The following RAB3GAP1 variants were observed in gnomAD, a reference collection of about 807,000 sequenced individuals.
RAB3GAP1 encodes RAB3 GTPase activating protein catalytic subunit 1.
In RAB3GAP1, 86 loss-of-function variants were observed where a neutral mutation model predicts 130.7. That is an observed-to-expected ratio of 0.66 (90% CI 0.55 to 0.79). RAB3GAP1 has a LOEUF of 0.79. Among genes scored for constraint, RAB3GAP1 ranks in the 30% least tolerant of loss-of-function variants. RAB3GAP1 has a pLI of 0.00. For missense variants in RAB3GAP1, 1,029 were observed against 1,169.4 expected (o/e 0.88, Z 1.75); for synonymous variants, 367 against 401.7 (o/e 0.91, Z 1.03).
chr2:135,063,900 T>A (rs138237395), intron 3 of RAB3GAP1, among the ~76,000 whole-genome samples: 198 of 152,322 alleles, frequency 1.3e-3, no homozygotes, highest in African/African-American at 4.4e-3. Flanking sequence ...ACTGCCATAC[T>A]TTTGGCTGGC....
At chr2:135,148,963 CTCAG>C (rs1370377722) in intron 17 of RAB3GAP1, among the ~76,000 whole-genome samples, 1 of 152,152 alleles carries the variant, frequency 6.6e-6, no homozygotes, top group Non-Finnish European at 1.5e-5. Context: ...CCTTACCCCT[CTCAG>C]TGATCCCATG....
At chr2:135,078,661 TCC>T (rs1558764987) in intron 3 of RAB3GAP1, among the ~76,000 whole-genome samples, 1 of 5,812 alleles carries the variant, frequency 1.7e-4, no homozygotes, top group Non-Finnish European at 2.8e-4. Flanking sequence ...TCCCCTCCCC[TCC>T]CCTCCCCTCC....
At chr2:135,174,129 C>T (rs1383111503), downstream of RAB3GAP1, among the ~76,000 whole-genome samples, 1 of 152,232 alleles carries the variant, frequency 6.6e-6, no homozygotes, top group Non-Finnish European at 1.5e-5. Context: ...TGATGTCTGA[C>T]AGGTGGTCAT....
intron 15 of RAB3GAP1, among the ~76,000 whole-genome samples, chr2:135,134,726 C>G (rs951797567): frequency 6.6e-6 from 1 of 152,196 alleles, no homozygotes; most frequent in Admixed American, 6.5e-5. Flanking sequence ...ACAGTCCGCT[C>G]TGGAACATTT....
chr2:135,166,699 G>C (rs1355263137), intron 23 of RAB3GAP1, among the ~76,000 whole-genome samples: 1 of 151,888 alleles, frequency 6.6e-6, no homozygotes, highest in East Asian at 1.9e-4. Context: ...ACTACCCATT[G>C]ATGATTTAAC....
intron 3 of RAB3GAP1, among the ~76,000 whole-genome samples, chr2:135,060,185 C>G (rs1689126513): frequency 6.6e-6 from 1 of 151,222 alleles, no homozygotes; most frequent in Non-Finnish European, 1.5e-5. Context: ...CCTACCTCCA[C>G]TAGATTTTTT....
rs1558806901 is a variant in RAB3GAP1, at chr2:135,164,661, A to G, written c.2674A>G (p.Arg892Gly). The change falls in exon 23 of 24, where the codon AGG (arginine) becomes GGG (glycine). Residue 892 changes from arginine to glycine, a missense_variant. By Grantham distance (125) the Arg-to-Gly change is moderately radical. Coordinates refer to ENST00000264158, the MANE Select transcript of RAB3GAP1 (RefSeq NM_012233.3). ...VTGAGRGHAG[R>G]IIHKLFVNAQ... ...CGGTGCAGGAAGAGGACATGCTGGC[A>G]GGATCATTCACAAGCTGTTTGTGAA... 16 of 1,613,142 alleles carry G rather than the reference A, an allele frequency of 9.9e-6. No homozygotes were observed. Among genetic ancestry groups the G allele is most frequent in the Middle Eastern group, 1.7e-4 (1 of 5,970 alleles).
At chr2:135,081,355 TATATATACAC>T (rs765993713) in intron 3 of RAB3GAP1, among the ~76,000 whole-genome samples, 1,764 of 88,680 alleles carry the variant, frequency 0.02, 122 homozygotes, top group African/African-American at 0.057. Flanking sequence ...TATATATATA[TATATATACAC>T]ACACGTGTGT....
chr2:135,107,770 C>G lies in RAB3GAP1; in HGVS notation c.363-5381C>G, dbSNP rs550493782. On this transcript the variant is annotated intron_variant, in intron 5 of 23. Coordinates refer to ENST00000264158, the MANE Select transcript of RAB3GAP1 (RefSeq NM_012233.3). ...TGGGTGGATCACGTGGTCAGGAGATCGAGACCATCCTGGCTAACATGGTGA... is the reference window on the plus strand; with the variant it reads ...TGGGTGGATCACGTGGTCAGGAGATGGAGACCATCCTGGCTAACATGGTGA... Among the ~76,000 whole-genome samples the G allele has an allele frequency of 1.4e-4, 22 of 151,840 alleles. No homozygotes were observed. The South Asian group carries it at 4.0e-3, about 27-fold the overall frequency.
chr2:135,075,331 T>A (rs1310129432), intron 3 of RAB3GAP1, among the ~76,000 whole-genome samples: 2 of 152,188 alleles, frequency 1.3e-5, no homozygotes, highest in Non-Finnish European at 2.9e-5. Flanking sequence ...GATAGTCCCT[T>A]CCTCATCACT....
chr2:135,127,934 T>C (rs1691405804), intron 11 of RAB3GAP1, among the ~76,000 whole-genome samples: 1 of 152,192 alleles, frequency 6.6e-6, no homozygotes, highest in African/African-American at 2.4e-5. Context: ...TTGTCATCTT[T>C]TTCCTCCTTA....
intron 3 of RAB3GAP1, among the ~76,000 whole-genome samples, chr2:135,071,670 T>C (rs1170343974): frequency 6.6e-6 from 1 of 152,212 alleles, no homozygotes; most frequent in Non-Finnish European, 1.5e-5. Context: ...GATGAGGTTA[T>C]GTTCCTGGGG....
At chr2:135,062,929 G>A (rs1423699569) in intron 3 of RAB3GAP1, among the ~76,000 whole-genome samples, 1 of 152,142 alleles carries the variant, frequency 6.6e-6, no homozygotes, top group Non-Finnish European at 1.5e-5. Context: ...TAATTGTTCT[G>A]CATTTTTCTA....
chr2:135,163,974 G>A (rs1692547853), intron 22 of RAB3GAP1, among the ~76,000 whole-genome samples: 1 of 152,198 alleles, frequency 6.6e-6, no homozygotes, highest in Non-Finnish European at 1.5e-5. Context: ...CTCTAATCAA[G>A]GGACTCGTTT....
At chr2:135,077,476 G>C (rs935968035) in intron 3 of RAB3GAP1, among the ~76,000 whole-genome samples, 2 of 152,126 alleles carry the variant, frequency 1.3e-5, no homozygotes, top group Non-Finnish European at 2.9e-5. Context: ...AAGATTACTT[G>C]AGGCCAGGAG....
intron 11 of RAB3GAP1, among the ~76,000 whole-genome samples, chr2:135,127,187 CTTTTTTT>C (rs528853214): frequency 2.2e-5 from 3 of 133,570 alleles, no homozygotes; most frequent in African/African-American, 5.5e-5. Flanking sequence ...GATGCTTTTT[CTTTTTTT>C]TTTTTTTTTC....
chr2:135,117,435 T>TCTTCTTCTTCTG (rs1691006347), intron 7 of RAB3GAP1, among the ~76,000 whole-genome samples: 4 of 128,944 alleles, frequency 3.1e-5, no homozygotes, highest in African/African-American at 1.2e-4. Context: ...TTCTTCTTCT[T>TCTTCTTCTTCTG]CTTCTTCTTC....
chr2:135,125,629 C>T (rs1013975167), intron 9 of RAB3GAP1, among the ~76,000 whole-genome samples: 3 of 152,126 alleles, frequency 2.0e-5, no homozygotes, highest in Non-Finnish European at 4.4e-5. Flanking sequence ...TCACTCTGAT[C>T]ACCAAGACAG....
chr2:135,113,129 T>C (rs758486723), intron 5 of RAB3GAP1, 22 bp from the exon 6 acceptor site: 1 of 1,614,100 alleles, frequency 6.2e-7, no homozygotes, highest in South Asian at 1.1e-5. Context: ...CCCTGTTTAA[T>C]GCAGTTAATT....
Sources: allele counts gnomAD v4.1 joint callset (sites outside exome capture counted in the v4.1 genomes callset), GRCh38; gene constraint gnomAD v4.1.1; transcripts MANE v1.5; gene names NCBI Gene and HGNC (gene_info 2026-07-23, HGNC 2026-07-21).